IVNS1ABP: variants seen among roughly 807,000 people sequenced by gnomAD.
IVNS1ABP encodes the protein influenza virus NS1A binding protein.
Under a neutral mutation model 78.9 loss-of-function variants are expected in IVNS1ABP, and 25 were observed. The observed-to-expected ratio is 0.32, with a 90% CI of 0.23 to 0.44. The LOEUF (loss-of-function observed/expected upper bound fraction) is 0.44, where lower values mean the gene tolerates loss of function less well. Ranked by LOEUF, IVNS1ABP falls within the 20% of genes least tolerant of loss-of-function variation. The pLI, the probability that IVNS1ABP is intolerant of heterozygous loss-of-function variation, is 1.00. For missense variants in IVNS1ABP, 494 were observed against 768.9 expected (o/e 0.64, Z 4.23); for synonymous variants, 241 against 259.7 (o/e 0.93, Z 0.69).
Position 185,317,236 on chromosome 1 carries a change from G to A in IVNS1ABP, c.-530C>T, listed in dbSNP as rs956376049. ...GCGACCGACCTCCACGCGCGACCGG[G>A]AGACACTGCCTCCGCCGCCGCCGAC... On this transcript the variant is annotated 5_prime_UTR_variant, in exon 1 of 15. Transcript: ENST00000367498. 25 of 398,384 alleles carry A rather than the reference G, an allele frequency of 6.3e-5. No homozygotes were observed. Among genetic ancestry groups the A allele is most frequent in the African/African-American group, 4.5e-4 (22 of 48,588 alleles). 24.7% of individuals were successfully genotyped at this position (398,384 alleles called of 1,614,324 possible). A position where few individuals can be genotyped will look rare whatever the true frequency, so the allele number is the denominator to read the frequency against.
chr1:185,314,824 A>C (rs1485484730), intron 1 of IVNS1ABP, among the ~76,000 whole-genome samples: 1 of 152,244 alleles, frequency 6.6e-6, no homozygotes, highest in Non-Finnish European at 1.5e-5. Flanking sequence ...ACCAAAAAGC[A>C]TAACACAAAG....
intron 1 of IVNS1ABP, among the ~76,000 whole-genome samples, chr1:185,316,432 C>T (rs927622403): frequency 2.6e-5 from 4 of 152,194 alleles, no homozygotes; most frequent in Non-Finnish European, 5.9e-5. Context: ...TGCCACCCTA[C>T]TCCAGGCCCG....
intron 6 of IVNS1ABP, 81 bp downstream of exon 6, chr1:185,307,408 A>G (rs1665767002): frequency 1.9e-6 from 2 of 1,072,518 alleles, no homozygotes; most frequent in Non-Finnish European, 2.8e-6. Context: ...CATAATCATT[A>G]CTCACTTGCT....
chr1:185,308,829 T>C lies in IVNS1ABP; in HGVS notation c.328A>G (p.Lys110Glu). The C allele has an allele frequency of 1.2e-6, 2 of 1,610,558 alleles. No individual in the cohort carries two copies. Among genetic ancestry groups the C allele is most frequent in the South Asian group, 1.1e-5 (1 of 90,936 alleles). ...TTTACTCGATCCATCTTCAGCTTTT[T>C]TGCTGCAGAATAAACATCTTTTACC... ...ELVKDVYSAA[K>E]KLKMDRVKQV... The change falls in exon 5 of 15, where the codon AAA becomes GAA. Residue 110 changes from lysine (K) to glutamate (E), a missense_variant. Physicochemically the swap from Lys to Glu is moderately conservative, Grantham distance 56. Coordinates refer to ENST00000367498, the MANE Select transcript of IVNS1ABP (RefSeq NM_006469.5).
chr1:185,299,669 G>A (rs759224900), intron 14 of IVNS1ABP, 41 bp downstream of exon 14: 1 of 1,588,730 alleles, frequency 6.3e-7, no homozygotes, highest in Non-Finnish European at 8.6e-7. Context: ...ACAAAGTCTT[G>A]CCACTATCTA....
chr1:185,298,446 ACTCT>A lies in IVNS1ABP; in HGVS notation c.1676-162_1676-159del, dbSNP rs1665480396. The A allele has an allele frequency of 3.0e-6, 2 of 667,004 alleles. No homozygotes were observed. The highest frequency in any genetic ancestry group is 5.0e-6 in the Non-Finnish European group (2 of 402,082). The allele number at this position is 667,004 out of a possible 1,614,324, so 41.3% of individuals were successfully genotyped here. ...TTATTAAATGCCTAATATGACAAAT[ACTCT>A]CTAAGAGCTGGGAATCAAATCAATA... is the stretch of plus-strand genomic sequence containing the variant. On this transcript the variant is annotated intron_variant, in intron 14 of 14. Coordinates refer to ENST00000367498, the MANE Select transcript of IVNS1ABP (RefSeq NM_006469.5). This position sits in a 1 kb window ranked among gnomAD's most constrained non-coding sequence, Gnocchi z 4.1.
chr1:185,315,171 A>C (rs1665982937), intron 1 of IVNS1ABP, among the ~76,000 whole-genome samples: 1 of 152,240 alleles, frequency 6.6e-6, no homozygotes, highest in Non-Finnish European at 1.5e-5. Flanking sequence ...AAAGTGGATG[A>C]AATGACTTAC....
At position 185,311,134 on chromosome 1, in the gene IVNS1ABP, A is replaced by T; in HGVS notation, c.-58T>A. 2.7e-6 allele frequency: 1 copy of T among 375,230 alleles called. No individual in the cohort carries two copies. The allele number at this position is 375,230 out of a possible 1,614,324, so 23.2% of individuals were successfully genotyped here. On this transcript the variant is annotated 5_prime_UTR_variant, in exon 2 of 15. Coordinates refer to ENST00000367498, the MANE Select transcript of IVNS1ABP (RefSeq NM_006469.5). ...GCAAATGTATTTCTGGGAACTCTTAAGTAATCCAAGGACAAAGGAGTGTTA... is the reference window on the plus strand; with the variant it reads ...GCAAATGTATTTCTGGGAACTCTTATGTAATCCAAGGACAAAGGAGTGTTA...
In IVNS1ABP at chr1:185,301,204, C is replaced by A; in HGVS notation, c.896-8G>T. ...GGCACAAGTAAGTGTTATCTGTAAG[C>A]ACAAGAGTTCCATGTTTAAGATGTA... On this transcript the variant is annotated splice_polypyrimidine_tract_variant and splice_region_variant and intron_variant, in intron 9 of 14. Transcript: ENST00000367498. 2 of 1,602,692 alleles carry A rather than the reference C, an allele frequency of 1.2e-6. No homozygotes were observed. Among genetic ancestry groups the A allele is most frequent in the Non-Finnish European group, 1.7e-6 (2 of 1,170,580 alleles).
At chr1:185,307,430 C>T in intron 6 of IVNS1ABP, 59 bp downstream of exon 6, 1 of 1,326,914 alleles carries the variant, frequency 7.5e-7, no homozygotes, top group African/African-American at 1.5e-5. Context: ...GAAACACAGA[C>T]CAAGATTCCA....
chr1:185,313,124 C>G (rs1302756454), intron 1 of IVNS1ABP, among the ~76,000 whole-genome samples: 1 of 152,038 alleles, frequency 6.6e-6, no homozygotes, highest in Non-Finnish European at 1.5e-5. Flanking sequence ...AATGATCTAC[C>G]TAAAATTTAT....
intron 1 of IVNS1ABP, among the ~76,000 whole-genome samples, chr1:185,316,038 T>C (rs1454084517): frequency 6.6e-6 from 1 of 152,150 alleles, no homozygotes; most frequent in African/African-American, 2.4e-5. Flanking sequence ...CAAGTAGTGG[T>C]TCAAGTTACC....
At chr1:185,307,951 G>A (rs757534125) in intron 5 of IVNS1ABP, 7 of 1,545,948 alleles carry the variant, frequency 4.5e-6, no homozygotes, top group Admixed American at 2.0e-5. Flanking sequence ...ATGAAACGCA[G>A]TATCTGAACT....
In IVNS1ABP at chr1:185,300,243, T is replaced by C; in HGVS notation, c.1343A>G (p.Glu448Gly). The change falls in exon 12 of 15, where the codon GAA becomes GGA. Residue 448 changes from glutamate to glycine, a missense_variant. Transcript: ENST00000367498. Reference sequence around the variant, plus strand: ...TGCATTACAACGGTTAGTTCTCAATTCTGGAACAGGAATCCAGTCATCTAT... The same window carrying C: ...TGCATTACAACGGTTAGTTCTCAATCCTGGAACAGGAATCCAGTCATCTAT... ...SNIDDWIPVPELRTNRCNAGV... is the reference protein window; with the variant it reads ...SNIDDWIPVPGLRTNRCNAGV... The C allele has an allele frequency of 6.2e-7, 1 of 1,613,398 alleles. No homozygotes were observed. Among genetic ancestry groups the C allele is most frequent in the East Asian group, 2.2e-5 (1 of 44,842 alleles).
chr1:185,299,666 C>T (rs1212295534), intron 14 of IVNS1ABP, 44 bp downstream of exon 14: 2 of 1,585,568 alleles, frequency 1.3e-6, no homozygotes, highest in South Asian at 2.2e-5. Context: ...AGAACAAAGT[C>T]TTGCCACTAT....
intron 2 of IVNS1ABP, among the ~76,000 whole-genome samples, chr1:185,310,488 A>C (rs1665856781): frequency 6.6e-6 from 1 of 152,136 alleles, no homozygotes; most frequent in South Asian, 2.1e-4. Context: ...GGCGCCTGTA[A>C]TCCCAGCTAC....
rs267598232 is a variant in IVNS1ABP at position 185,300,253 on chromosome 1, G to C, written c.1333C>G (p.Pro445Ala). The change falls in exon 12 of 15, where the codon CCT becomes GCT. Residue 445 changes from proline (P) to alanine (A), a missense_variant. Transcript: ENST00000367498. ...MYDSNIDDWI[P>A]VPELRTNRCN... ...CGGTTAGTTCTCAATTCTGGAACAGGAATCCAGTCATCTATGTTTGAATCA... is the reference window on the plus strand; with the variant it reads ...CGGTTAGTTCTCAATTCTGGAACAGCAATCCAGTCATCTATGTTTGAATCA... 8.1e-6 allele frequency: 13 copies of C among 1,613,298 alleles called. No individual in the cohort carries two copies. The highest frequency in any genetic ancestry group is 1.0e-5 in the Non-Finnish European group (12 of 1,179,692).
chr1:185,307,512 A>G lies in IVNS1ABP; in HGVS notation c.508T>C (p.Phe170Leu). 1 of 1,612,776 alleles carries G rather than the reference A, an allele frequency of 6.2e-7. No individual in the cohort carries two copies. Among genetic ancestry groups the G allele is most frequent in the East Asian group, 2.2e-5 (1 of 44,822 alleles). ...ACCTTTAGCCTTGGAAGCTTAAGAA[A>G]CTCCTCCTCTTCAGAAATTTGTAAC... ...HLLQISEEEE[F>L]LKLPRLKLEV... Residue 170 changes from phenylalanine (F) to leucine (L), a missense_variant, in exon 6 of 15, where the codon TTT (phenylalanine) becomes CTT (leucine). Physicochemically the swap from Phe to Leu is conservative, Grantham distance 22 (BLOSUM62 0). Coordinates refer to ENST00000367498, the MANE Select transcript of IVNS1ABP (RefSeq NM_006469.5).
At chr1:185,306,614 T>G in intron 7 of IVNS1ABP, 1 of 1,230,560 alleles carries the variant, frequency 8.1e-7, no homozygotes, top group Non-Finnish European at 1.0e-6. Flanking sequence ...TATCCTAGTT[T>G]TGTTAATAAA....
Sources: gnomAD v4.1 joint callset for allele counts (sites outside exome capture counted in the v4.1 genomes callset) on GRCh38, gnomAD v4.1.1 for gene constraint, Gnocchi (gnomAD v3.1) non-coding constraint, MANE v1.5 for transcripts, NCBI Gene and HGNC (gene_info 2026-07-23, HGNC 2026-07-21) for gene names.